Variants in ARHGAP15 observed in about 807,000 individuals in gnomAD.
The protein encoded by ARHGAP15 is Rho GTPase activating protein 15, also known as rho GTPase-activating protein 15.
Under a neutral mutation model 63.7 loss-of-function variants are expected in ARHGAP15, and 51 were observed. That is an observed-to-expected ratio of 0.80 (90% CI 0.64 to 1.01). The LOEUF (loss-of-function observed/expected upper bound fraction) is 1.01. Among genes scored for constraint, ARHGAP15 ranks in the 50% least tolerant of loss-of-function variants. The probability of loss-of-function intolerance (pLI) is 0.00; values close to 1 mark genes in which losing one functional copy is unlikely to be tolerated. For synonymous variants in ARHGAP15, 191 were observed against 193.8 expected, an observed-to-expected ratio of 0.99 and a Z score of 0.12; for missense variants, 560 against 564.6, an observed-to-expected ratio of 0.99 and a Z score of 0.08.
At chr2:143,395,891 T>C (rs1288792346) in intron 6 of ARHGAP15, among the ~76,000 whole-genome samples, 1 of 151,832 alleles carries the variant, frequency 6.6e-6, no homozygotes, top group Non-Finnish European at 1.5e-5. Context: ...GAGATGCTAT[T>C]GATGGTTTTG....
intron 9 of ARHGAP15, among the ~76,000 whole-genome samples, chr2:143,512,228 C>A (rs531502260): frequency 6.6e-6 from 1 of 152,330 alleles, no homozygotes; most frequent in Admixed American, 6.5e-5. Flanking sequence ...AGTTTAATAT[C>A]TCTCATAAAA....
At chr2:143,389,597 C>T (rs1687453324) in intron 6 of ARHGAP15, among the ~76,000 whole-genome samples, 1 of 152,264 alleles carries the variant, frequency 6.6e-6, no homozygotes, top group East Asian at 1.9e-4. Flanking sequence ...GCTTAGGCTG[C>T]ACCTTTCTGT....
At chr2:143,721,956 G>A (rs1267838601) in intron 13 of ARHGAP15, among the ~76,000 whole-genome samples, 1 of 151,774 alleles carries the variant, frequency 6.6e-6, no homozygotes, top group Non-Finnish European at 1.5e-5. Context: ...GCCTCCCAAA[G>A]TGCTGGGATT....
At chr2:143,484,628 A>C (rs1574512968) in intron 8 of ARHGAP15, among the ~76,000 whole-genome samples, 1 of 152,358 alleles carries the variant, frequency 6.6e-6, no homozygotes, top group East Asian at 1.9e-4. Flanking sequence ...CCATGTATAT[A>C]GTAGGTGGTC....
chr2:143,525,940 G>T (rs1469298553), intron 10 of ARHGAP15, among the ~76,000 whole-genome samples: 1 of 152,126 alleles, frequency 6.6e-6, no homozygotes. Flanking sequence ...TGCTTGTGAG[G>T]TCTGTAAGAA....
intron 9 of ARHGAP15, among the ~76,000 whole-genome samples, chr2:143,491,545 T>C (rs1238204476): frequency 6.6e-6 from 1 of 152,222 alleles, no homozygotes; most frequent in African/African-American, 2.4e-5. Context: ...TCATATTACT[T>C]ATTTTTGAAT....
intron 11 of ARHGAP15, among the ~76,000 whole-genome samples, chr2:143,584,817 G>T (rs1004443958): frequency 6.6e-6 from 1 of 152,114 alleles, no homozygotes; most frequent in African/African-American, 2.4e-5. Flanking sequence ...TATTCTCAGT[G>T]CAAGATTTTT....
intron 6 of ARHGAP15, among the ~76,000 whole-genome samples, chr2:143,375,572 G>A (rs549613649): frequency 6.6e-6 from 1 of 152,292 alleles, no homozygotes; most frequent in South Asian, 2.1e-4. Context: ...CAGTGCAAGG[G>A]TATCCAGTGG....
At chr2:143,288,266 G>A (rs1213202991) in intron 6 of ARHGAP15, among the ~76,000 whole-genome samples, 5 of 152,058 alleles carry the variant, frequency 3.3e-5, no homozygotes, top group African/African-American at 1.2e-4. Context: ...CTACACTTCC[G>A]AATGCATACT....
intron 11 of ARHGAP15, among the ~76,000 whole-genome samples, chr2:143,565,260 C>T (rs1696177115): frequency 6.6e-6 from 1 of 152,078 alleles, no homozygotes; most frequent in South Asian, 2.1e-4. Flanking sequence ...ATCACTTATT[C>T]TCATTATAGT....
intron 10 of ARHGAP15, among the ~76,000 whole-genome samples, chr2:143,551,502 C>T (rs1695560405): frequency 6.6e-6 from 1 of 152,116 alleles, no homozygotes; most frequent in South Asian, 2.1e-4. Context: ...CATGTTGGGG[C>T]AGCTACTGTA....
intron 9 of ARHGAP15, among the ~76,000 whole-genome samples, chr2:143,508,037 C>T (rs551228428): frequency 1.3e-5 from 2 of 151,686 alleles, no homozygotes; most frequent in Admixed American, 1.3e-4. Flanking sequence ...GTCACCCCCC[C>T]CTCCTCCATA....
At chr2:143,582,470 G>A (rs543551092) in intron 11 of ARHGAP15, among the ~76,000 whole-genome samples, 8 of 152,208 alleles carry the variant, frequency 5.3e-5, no homozygotes, top group African/African-American at 1.9e-4. Flanking sequence ...CAATGAGGAG[G>A]GGCATTGATA....
chr2:143,266,590 T>C (rs975480090), intron 6 of ARHGAP15, among the ~76,000 whole-genome samples: 1 of 152,310 alleles, frequency 6.6e-6, no homozygotes, highest in Admixed American at 6.5e-5. Flanking sequence ...TTAAGTTTAC[T>C]TATTAAAAAT....
chr2:143,219,129 C>T (rs1314981177), intron 4 of ARHGAP15, among the ~76,000 whole-genome samples: 4 of 152,196 alleles, frequency 2.6e-5, no homozygotes, highest in African/African-American at 9.7e-5. Flanking sequence ...CAGTGATGGA[C>T]AGCATATACA....
chr2:143,726,780 A>G (rs1372605914), intron 13 of ARHGAP15, among the ~76,000 whole-genome samples: 2 of 152,218 alleles, frequency 1.3e-5, no homozygotes, highest in Non-Finnish European at 2.9e-5. Context: ...CTAACCAAGT[A>G]TCTGTACCTC....
At position 143,346,743 on chromosome 2, in the gene ARHGAP15, G is replaced by A. The variant is rs117477783; in HGVS notation, c.475-88858G>A. ...TTATTTTGTCAGTTTGTTTCAATTT[G>A]AGAGGTGTTGAAAATTGGTATTCAT... On this transcript the variant is annotated intron_variant, in intron 6 of 13. Transcript: ENST00000295095. 3.9e-3 allele frequency among the ~76,000 whole-genome samples: 598 copies of A among 152,212 alleles called. 13 individuals carry two copies. The highest frequency in any genetic ancestry group is 0.033 in the East Asian group (171 of 5,178).
At chr2:143,512,066 A>T (rs147187793) in intron 9 of ARHGAP15, among the ~76,000 whole-genome samples, 1 of 152,242 alleles carries the variant, frequency 6.6e-6, no homozygotes, top group East Asian at 1.9e-4. Flanking sequence ...TACTTAATTG[A>T]AGAGTCCAAG....
intron 8 of ARHGAP15, among the ~76,000 whole-genome samples, chr2:143,455,200 GC>G (rs1371464916): frequency 6.6e-6 from 1 of 152,056 alleles, no homozygotes; most frequent in Non-Finnish European, 1.5e-5. Context: ...ACAAGGTGTG[GC>G]TTATTCATTA....
Sources: allele counts gnomAD v4.1 joint callset (sites outside exome capture counted in the v4.1 genomes callset), GRCh38; gene constraint gnomAD v4.1.1; transcripts MANE v1.5; gene names NCBI Gene and HGNC (gene_info 2026-07-23, HGNC 2026-07-21).